CPE: variants seen among roughly 807,000 people sequenced by gnomAD.
CPE encodes carboxypeptidase E.
Under a neutral mutation model 53.5 loss-of-function variants are expected in CPE, and 17 were observed. That is an observed-to-expected ratio of 0.32 (90% CI 0.22 to 0.48). The LOEUF is 0.48. Among genes scored for constraint, CPE ranks in the 20% least tolerant of loss-of-function variants. CPE has a pLI of 0.99. For missense variants in CPE, 524 were observed against 614.7 expected, an observed-to-expected ratio of 0.85 and a Z score of 1.56; for synonymous variants, 226 against 228.8, an observed-to-expected ratio of 0.99 and a Z score of 0.11.
Position 165,456,739 on chromosome 4 carries a change from A to ATTTTT in CPE, c.308-7635_308-7631dup, listed in dbSNP as rs35855408. 1.7e-3 allele frequency among the ~76,000 whole-genome samples: 175 copies of ATTTTT among 101,176 alleles called. 8 individuals are homozygous for ATTTTT. Among genetic ancestry groups the ATTTTT allele is most frequent in the African/African-American group, 6.4e-3 (152 of 23,656 alleles). 66.4% of individuals were successfully genotyped at this position (101,176 alleles called of 152,430 possible). On this transcript the variant is annotated intron_variant, in intron 1 of 8. Transcript: ENST00000402744. ...AGGCGTGCACCACTATGCCCAGCTA[A>ATTTTT]TTTTTTTTTTTTTTTTTTTTGAGAT...
chr4:165,486,702 C>T (rs1418394280), intron 5 of CPE, among the ~76,000 whole-genome samples: 1 of 152,176 alleles, frequency 6.6e-6, no homozygotes, highest in Admixed American at 6.5e-5. Flanking sequence ...AATGCGTATC[C>T]GATTGCCCCC....
chr4:165,489,971 C>G lies in CPE; in HGVS notation c.1113+2394C>G, dbSNP rs1407839207. Among the ~76,000 whole-genome samples, 3 of 152,108 alleles carry G rather than the reference C, an allele frequency of 2.0e-5. No individual in the cohort carries two copies. In the East Asian group the frequency reaches 5.8e-4, roughly 29 times the overall value. ...CTAAGCAGTGAGTGGTATTTATAAC[C>G]AGCTCATCTAGCTTGCATCATAGAA... is the stretch of plus-strand genomic sequence containing the variant. On this transcript the variant is annotated intron_variant, in intron 6 of 8. Coordinates refer to ENST00000402744, the MANE Select transcript of CPE (RefSeq NM_001873.4).
At chr4:165,491,980 G>A (rs1732614557) in intron 6 of CPE, among the ~76,000 whole-genome samples, 1 of 146,794 alleles carries the variant, frequency 6.8e-6, no homozygotes, top group African/African-American at 2.5e-5. Flanking sequence ...GAGTAATCAA[G>A]TTTAATGCAT....
At chr4:165,481,475 GC>G (rs1732410919) in intron 3 of CPE, among the ~76,000 whole-genome samples, 1 of 152,184 alleles carries the variant, frequency 6.6e-6, no homozygotes, top group Non-Finnish European at 1.5e-5. Flanking sequence ...CATCAGAGAA[GC>G]ACTTGGGGTT....
intron 1 of CPE, among the ~76,000 whole-genome samples, chr4:165,427,283 G>A (rs145490309): frequency 3.3e-5 from 5 of 152,206 alleles, no homozygotes; most frequent in African/African-American, 1.2e-4. Flanking sequence ...CTAACTGGCT[G>A]CCTGATCAGT....
chr4:165,479,613 T>C (rs1732366147), intron 3 of CPE, among the ~76,000 whole-genome samples: 1 of 152,232 alleles, frequency 6.6e-6, no homozygotes, highest in Non-Finnish European at 1.5e-5. Flanking sequence ...CTTAATGCTC[T>C]GTATTTTAAT....
intron 8 of CPE, 90 bp downstream of exon 8, chr4:165,495,767 C>T (rs373484904): frequency 4.7e-5 from 41 of 866,870 alleles, no homozygotes; most frequent in South Asian, 2.3e-4. Context: ...ATTTAATCTT[C>T]GTACTAGCCC....
chr4:165,459,457 A>G (rs1326686701), intron 1 of CPE, among the ~76,000 whole-genome samples: 1 of 152,142 alleles, frequency 6.6e-6, no homozygotes, highest in Non-Finnish European at 1.5e-5. Flanking sequence ...ATTGTGTGCC[A>G]TGTGAAGTAA....
chr4:165,490,803 G>C (rs1238349056), intron 6 of CPE, among the ~76,000 whole-genome samples: 2 of 152,126 alleles, frequency 1.3e-5, no homozygotes, highest in Non-Finnish European at 2.9e-5. Context: ...AAGTACATGA[G>C]GGTTTAGGGG....
chr4:165,428,490 G>A (rs1242710913), intron 1 of CPE, among the ~76,000 whole-genome samples: 1 of 152,142 alleles, frequency 6.6e-6, no homozygotes, highest in Non-Finnish European at 1.5e-5. Context: ...AGACAACTTG[G>A]TCTCCCATAT....
chr4:165,487,474 T>G lies in CPE; in HGVS notation c.1010T>G (p.Phe337Cys). 6.2e-7 allele frequency: 1 copy of G among 1,614,120 alleles called. No individual in the cohort carries two copies. The highest frequency in any genetic ancestry group is 8.5e-7 in the Non-Finnish European group (1 of 1,180,002). The change falls in exon 6 of 9, where the codon TTT (phenylalanine) becomes TGT (cysteine). Residue 337 changes from phenylalanine to cysteine, a missense_variant. Coordinates refer to ENST00000402744, the MANE Select transcript of CPE (RefSeq NM_001873.4). ...QDFNYLSSNC[F>C]EITVELSCEK... is the part of the protein sequence containing the mutation. The stretch of plus-strand genomic sequence containing the variant: ...TTCAATTACCTTAGCAGCAACTGTT[T>G]TGAGATCACCGTGGAGCTTAGCTGT...
intron 3 of CPE, among the ~76,000 whole-genome samples, chr4:165,476,298 G>A (rs1018062295): frequency 6.6e-6 from 1 of 152,098 alleles, no homozygotes; most frequent in Non-Finnish European, 1.5e-5. Context: ...TATGCTTCTG[G>A]GGGGTTGTGT....
chr4:165,473,042 C>T (rs72703692), intron 3 of CPE, among the ~76,000 whole-genome samples: 21,272 of 152,214 alleles, frequency 0.14, 1,932 homozygotes, highest in East Asian at 0.24. Flanking sequence ...CCGGGCCTCA[C>T]GTAGCTTTAA....
At chr4:165,405,763 A>T in intron 1 of CPE, 1 of 911,084 alleles carries the variant, frequency 1.1e-6, no homozygotes, top group Non-Finnish European at 1.8e-6. Flanking sequence ...TCTGCCAGTC[A>T]GCATCATGTC....
At chr4:165,466,177 AGCCCATGGTTC>A (rs1732100395) in intron 2 of CPE, among the ~76,000 whole-genome samples, 2 of 152,330 alleles carry the variant, frequency 1.3e-5, no homozygotes, top group South Asian at 4.1e-4. Flanking sequence ...TATGTGATAT[AGCCCATGGTTC>A]CTAGGCTACA....
intron 1 of CPE, among the ~76,000 whole-genome samples, chr4:165,453,037 C>T (rs948550310): frequency 3.3e-5 from 5 of 152,022 alleles, no homozygotes; most frequent in East Asian, 1.9e-4. Flanking sequence ...AGTGCAGTGG[C>T]GCAATCTCAG....
chr4:165,380,394 AG>A (rs917720003), intron 1 of CPE, among the ~76,000 whole-genome samples: 1 of 152,204 alleles, frequency 6.6e-6, no homozygotes, highest in African/African-American at 2.4e-5. Flanking sequence ...AGTATATTAA[AG>A]CACCTTTTGG....
chr4:165,445,685 T>A (rs182776410), intron 1 of CPE, among the ~76,000 whole-genome samples: 1 of 152,152 alleles, frequency 6.6e-6, no homozygotes, highest in Admixed American at 6.5e-5. Flanking sequence ...TGTAAAATCA[T>A]GAAAATAACA....
At chr4:165,483,053 G>A (rs1047747550) in intron 4 of CPE, among the ~76,000 whole-genome samples, 6 of 151,026 alleles carry the variant, frequency 4.0e-5, no homozygotes, top group South Asian at 2.1e-4. Context: ...TTTGTTACAC[G>A]GATATATTAC....
Sources: gnomAD v4.1 joint callset for allele counts (sites outside exome capture counted in the v4.1 genomes callset) on GRCh38, gnomAD v4.1.1 for gene constraint, MANE v1.5 for transcripts, NCBI Gene and HGNC (gene_info 2026-07-23, HGNC 2026-07-21) for gene names.